The following LDHC variants were observed in gnomAD, a reference collection of about 807,000 sequenced individuals.
LDHC encodes the protein lactate dehydrogenase C.
In LDHC, 20 loss-of-function variants were observed where a neutral mutation model predicts 30.2. The ratio of observed to expected loss-of-function variants is 0.66; its 90% CI spans 0.47 to 0.96. The LOEUF is 0.96. Among genes scored for constraint, LDHC ranks in the 40% least tolerant of loss-of-function variants. The probability of loss-of-function intolerance (pLI) is 0.00; values close to 1 mark genes in which losing one functional copy is unlikely to be tolerated. For synonymous variants in LDHC, 139 were observed against 132.7 expected, an observed-to-expected ratio of 1.05 and a Z score of -0.32; for missense variants, 362 against 394.9, an observed-to-expected ratio of 0.92 and a Z score of 0.71.
chr11:18,427,188 T>C (rs193130439), intron 3 of LDHC, among the ~76,000 whole-genome samples: 96 of 151,986 alleles, frequency 6.3e-4, no homozygotes, highest in Admixed American at 1.1e-3. Context: ...AAACCCCGTC[T>C]CTACTAAAAA....
intron 3 of LDHC, among the ~76,000 whole-genome samples, chr11:18,417,278 A>G (rs1349687530): frequency 6.6e-6 from 1 of 152,242 alleles, no homozygotes; most frequent in Non-Finnish European, 1.5e-5. Flanking sequence ...AAGTACCTGG[A>G]ACAACAGGTG....
At chr11:18,422,879 G>A (rs923972777) in intron 3 of LDHC, among the ~76,000 whole-genome samples, 2 of 151,496 alleles carry the variant, frequency 1.3e-5, no homozygotes, top group African/African-American at 4.9e-5. Context: ...CTACTCAAGA[G>A]GCTGAGGTGG....
chr11:18,439,252 A>G (rs1031615867), intron 6 of LDHC, among the ~76,000 whole-genome samples: 1 of 152,206 alleles, frequency 6.6e-6, no homozygotes, highest in Non-Finnish European at 1.5e-5. Flanking sequence ...CAAGTTACAT[A>G]TTAGTAGAAG....
intron 7 of LDHC, among the ~76,000 whole-genome samples, chr11:18,448,067 A>G (rs909423885): frequency 6.8e-6 from 1 of 147,182 alleles, no homozygotes; most frequent in Non-Finnish European, 1.5e-5. Context: ...AAAAAAAAAA[A>G]AAGATTTGGA....
At chr11:18,443,782 C>G (rs951481515) in intron 6 of LDHC, among the ~76,000 whole-genome samples, 1 of 152,124 alleles carries the variant, frequency 6.6e-6, no homozygotes. Flanking sequence ...ATTTGAGACA[C>G]TTGCTTTAAG....
intron 3 of LDHC, among the ~76,000 whole-genome samples, chr11:18,419,794 G>A (rs574734144): frequency 3.3e-4 from 50 of 152,104 alleles, no homozygotes; most frequent in South Asian, 1.7e-3. Flanking sequence ...ACTTATAAAT[G>A]TGAAAAACTC....
In LDHC at chr11:18,431,119, C is replaced by CAA. The variant is rs112931324; in HGVS notation, c.418+1219_418+1220dup. ...TGAGTGGCAGAGTGAAACCTTGTCT[C>CAA]AAAAAAAAAAACCAAAGCAAACAAA... On this transcript the variant is annotated intron_variant, in intron 4 of 7. Coordinates refer to ENST00000541669, the MANE Select transcript of LDHC (RefSeq NM_017448.5). Among the ~76,000 whole-genome samples, 470 of 128,946 alleles carry CAA rather than the reference C, an allele frequency of 3.6e-3. 4 individuals carry two copies. Among genetic ancestry groups the CAA allele is most frequent in the African/African-American group, 0.013 (452 of 35,454 alleles). The allele number at this position is 128,946 out of a possible 152,430, so 84.6% of individuals were successfully genotyped here. A position where few individuals can be genotyped will look rare whatever the true frequency, so the allele number is the denominator to read the frequency against.
At chr11:18,420,865 CTG>C (rs958829934) in intron 3 of LDHC, among the ~76,000 whole-genome samples, 1 of 151,788 alleles carries the variant, frequency 6.6e-6, no homozygotes, top group Non-Finnish European at 1.5e-5. Context: ...TTGTATAAAA[CTG>C]TAGTCTTGGG....
rs758316404 is a variant in LDHC at position 18,429,895 on chromosome 11, G to A, written c.403G>A (p.Val135Ile). 5 of 1,605,220 alleles carry A rather than the reference G, an allele frequency of 3.1e-6. No homozygotes were observed. The highest frequency in any genetic ancestry group is 4.3e-6 in the Non-Finnish European group (5 of 1,173,140). Residue 135 changes from valine to isoleucine, a missense_variant, in exon 4 of 8, where the codon GTT becomes ATT. Physicochemically the swap from Val to Ile is conservative, Grantham distance 29. Transcript: ENST00000541669. ...TTATAGTCCTGATTGTAAAATTCTT[G>A]TTGTTTCAAATCCAGGTGAGTCTTC... ...VHYSPDCKIL[V>I]VSNPVDILTY...
At chr11:18,423,922 T>C (rs1305430921) in intron 3 of LDHC, among the ~76,000 whole-genome samples, 1 of 151,970 alleles carries the variant, frequency 6.6e-6, no homozygotes, top group Non-Finnish European at 1.5e-5. Flanking sequence ...AAGTGGCTTA[T>C]AAATAGGGGG....
chr11:18,439,563 C>CA (rs34511927), intron 6 of LDHC, among the ~76,000 whole-genome samples: 8,677 of 59,128 alleles, frequency 0.15, 673 homozygotes, highest in African/African-American at 0.17. Context: ...AACTCCATCT[C>CA]AAAAAAAAAA....
At chr11:18,440,413 G>A (rs1050786843) in intron 6 of LDHC, among the ~76,000 whole-genome samples, 1 of 152,054 alleles carries the variant, frequency 6.6e-6, no homozygotes, top group African/African-American at 2.4e-5. Flanking sequence ...AAGTGATCAT[G>A]GGTGAGTTTT....
intron 6 of LDHC, among the ~76,000 whole-genome samples, chr11:18,442,410 T>G (rs1848482113): frequency 6.6e-6 from 1 of 152,190 alleles, no homozygotes. Flanking sequence ...TATCTTTGTA[T>G]CATATATTCT....
intron 3 of LDHC, among the ~76,000 whole-genome samples, chr11:18,420,086 C>T (rs1450183213): frequency 6.8e-6 from 1 of 147,918 alleles, no homozygotes; most frequent in Non-Finnish European, 1.5e-5. Context: ...AAGTGAGACT[C>T]CGTCTTAGAA....
intron 6 of LDHC, among the ~76,000 whole-genome samples, chr11:18,445,211 C>T (rs1260529019): frequency 2.7e-5 from 4 of 149,014 alleles, no homozygotes; most frequent in Admixed American, 6.7e-5. Flanking sequence ...TTTTTTGAGA[C>T]GGAGTCTCAC....
At chr11:18,425,047 C>T (rs1848137530) in intron 3 of LDHC, among the ~76,000 whole-genome samples, 1 of 152,128 alleles carries the variant, frequency 6.6e-6, no homozygotes. Context: ...GTAATTTAAA[C>T]ATGCATAGGT....
At chr11:18,449,020 C>T (rs1481026383) in intron 7 of LDHC, among the ~76,000 whole-genome samples, 3 of 151,938 alleles carry the variant, frequency 2.0e-5, no homozygotes, top group Non-Finnish European at 4.4e-5. Context: ...CATGAATTCT[C>T]GAATTCCAGT....
Position 18,412,984 on chromosome 11 carries a change from T to TA in LDHC, c.126+141_126+142insA, listed in dbSNP as rs1866923262. The TA allele has an allele frequency of 2.2e-5, 7 of 314,584 alleles. No homozygotes were observed. In the Admixed American group the frequency reaches 4.1e-4, roughly 18 times the overall value. The allele number at this position is 314,584 out of a possible 1,614,324, so 19.5% of individuals were successfully genotyped here. ...GACCTTTCCTCCCTCCCTCCCTCCC[T>TA]CCCTTCCTTCCTTCCTTCCTTCCTT... On this transcript the variant is annotated intron_variant, in intron 2 of 7. Transcript: ENST00000541669.
intron 5 of LDHC, among the ~76,000 whole-genome samples, chr11:18,437,062 T>C (rs1848368349): frequency 6.6e-6 from 1 of 152,180 alleles, no homozygotes; most frequent in South Asian, 2.1e-4. Context: ...TCTATCCTGT[T>C]GGTGTTGTTT....
Sources: allele counts gnomAD v4.1 joint callset (sites outside exome capture counted in the v4.1 genomes callset), GRCh38; gene constraint gnomAD v4.1.1; transcripts MANE v1.5; gene names NCBI Gene and HGNC (gene_info 2026-07-23, HGNC 2026-07-21).